SPPL2B: variants seen among roughly 807,000 people sequenced by gnomAD.
The protein encoded by SPPL2B is signal peptide peptidase like 2B, also known as signal peptide peptidase-like 2B.
Under a neutral mutation model 59.7 loss-of-function variants are expected in SPPL2B, and 39 were observed. That is an observed-to-expected ratio of 0.65 (90% CI 0.51 to 0.85). The LOEUF is 0.85. Among genes scored for constraint, SPPL2B ranks in the 40% least tolerant of loss-of-function variants. The pLI, the probability that SPPL2B is intolerant of heterozygous loss-of-function variation, is 0.00. For synonymous variants in SPPL2B, 419 were observed against 370.8 expected, an observed-to-expected ratio of 1.13 and a Z score of -1.49; for missense variants, 865 against 849.0, an observed-to-expected ratio of 1.02 and a Z score of -0.23.
intron 8 of SPPL2B, chr19:2,342,580 G>A (rs1969118338): frequency 6.5e-6 from 1 of 152,722 alleles, no homozygotes; most frequent in Admixed American, 6.5e-5. Context: ...TTGAACCTGG[G>A]AGGTGGAGGT....
rs1968924351 is a variant in SPPL2B, at chr19:2,339,984, G to C, written c.742+18G>C. Reference sequence around the variant, plus strand: ...TCTCCTCGGTGCGCGGCCCCGGGCGGGTGGGCCGCGGCGTGGAGATGCAGC... The same window carrying C: ...TCTCCTCGGTGCGCGGCCCCGGGCGCGTGGGCCGCGGCGTGGAGATGCAGC... On this transcript the variant is annotated intron_variant, in intron 6 of 14. Coordinates refer to ENST00000613503, the MANE Select transcript of SPPL2B (RefSeq NM_152988.3). The C allele has an allele frequency of 6.4e-7, 1 of 1,552,000 alleles. No individual in the cohort carries two copies. The highest frequency in any genetic ancestry group is 2.0e-5 in the Admixed American group (1 of 51,046).
At chr19:2,345,165 AG>A in intron 12 of SPPL2B, 87 bp from the exon 13 acceptor site, 2 of 1,076,520 alleles carry the variant, frequency 1.9e-6, no homozygotes, top group South Asian at 2.6e-5. Flanking sequence ...CGGCGCCCAC[AG>A]GTGCTCAGGT....
Position 2,337,515 on chromosome 19 carries a change from A to G in SPPL2B, c.259A>G (p.Ser87Gly), listed in dbSNP as rs969052919. Residue 87 changes from serine to glycine, a missense_variant, in exon 3 of 15, where the codon AGC (serine) becomes GGC (glycine). By Grantham distance (56) the Ser-to-Gly change is moderately conservative (BLOSUM62 0). Coordinates refer to ENST00000613503, the MANE Select transcript of SPPL2B (RefSeq NM_152988.3). ...AGCCGACCTCCCCGCCCGTGGCTTC[A>G]GCAACCAGATCCCGCTGGTGGCGCG... ...SAADLPARGF[S>G]NQIPLVARGN... is the part of the protein sequence containing the mutation. 1.2e-6 allele frequency: 2 copies of G among 1,613,296 alleles called. No individual in the cohort carries two copies. Among genetic ancestry groups the G allele is most frequent in the Non-Finnish European group, 1.7e-6 (2 of 1,179,688 alleles).
chr19:2,334,557 C>A, intron 1 of SPPL2B, 45 bp from the exon 2 acceptor site: 2 of 1,578,360 alleles, frequency 1.3e-6, no homozygotes, highest in South Asian at 1.2e-5. Context: ...GGTGCAGCCC[C>A]GCACGTCCCG....
chr19:2,340,411 G>A (rs1968958364), intron 7 of SPPL2B: 2 of 632,264 alleles, frequency 3.2e-6, no homozygotes, highest in East Asian at 2.9e-5. Flanking sequence ...TTGTCCCCAG[G>A]AACCCTGCCC....
In SPPL2B at chr19:2,339,227, G is replaced by A. The variant is rs542751679; in HGVS notation, c.599+19G>A. On this transcript the variant is annotated intron_variant, in intron 5 of 14. Coordinates refer to ENST00000613503, the MANE Select transcript of SPPL2B (RefSeq NM_152988.3). ...TGAAGAAGTGAGTTTCGCATCGTGC[G>A]TGTGCTGTGACGGGGTCGGGCGGCT... The A allele has an allele frequency of 1.6e-5, 26 of 1,598,084 alleles. No individual in the cohort carries two copies. Among genetic ancestry groups the A allele is most frequent in the East Asian group, 2.3e-5 (1 of 44,070 alleles).
chr19:2,348,205 C>T (rs1355250187), intron 13 of SPPL2B, among the ~76,000 whole-genome samples: 6 of 122,782 alleles, frequency 4.9e-5, no homozygotes, highest in African/African-American at 1.6e-4. Context: ...TCCGTTCTCT[C>T]TCCACACACA....
rs1427057447 is a variant in SPPL2B at position 2,328,696 on chromosome 19, G to A, written c.-14G>A. On this transcript the variant is annotated 5_prime_UTR_variant, in exon 1 of 15. Transcript: ENST00000613503. ...GGAAACATCTGCCGTTGGTTGCGGC[G>A]GGCACCGGCCGACATGGCGGCAGCG... 1.8e-5 allele frequency: 26 copies of A among 1,434,782 alleles called. No homozygotes were observed. The East Asian group carries it at 6.5e-4, about 36-fold the overall frequency. The allele number at this position is 1,434,782 out of a possible 1,614,324, so 88.9% of individuals were successfully genotyped here. A position where few individuals can be genotyped will look rare whatever the true frequency, so the allele number is the denominator to read the frequency against.
intron 13 of SPPL2B, among the ~76,000 whole-genome samples, chr19:2,347,448 A>G (rs1393344828): frequency 9.5e-5 from 3 of 31,572 alleles, no homozygotes; most frequent in African/African-American, 2.9e-4. Context: ...CCACACACAC[A>G]CACTCTCATT....
chr19:2,330,964 C>G (rs559469416), intron 1 of SPPL2B, among the ~76,000 whole-genome samples: 2 of 152,166 alleles, frequency 1.3e-5, no homozygotes, highest in East Asian at 3.8e-4. Flanking sequence ...CAGTGCTTCG[C>G]GGCAGTGGAA....
At position 2,332,319 on chromosome 19, in the gene SPPL2B, C is replaced by G. The variant is rs896013506; in HGVS notation, c.67-2283C>G. On this transcript the variant is annotated intron_variant, in intron 1 of 14. Transcript: ENST00000613503. The surrounding 1 kb of genome is among the most constrained non-coding windows in gnomAD (Gnocchi z 4.6). ...TTGCATGATTTCAGTGATGAGGGCCCGGCTGTTGGAGAGCCCGTCTGTGCC... is the reference window on the plus strand; with the variant it reads ...TTGCATGATTTCAGTGATGAGGGCCGGGCTGTTGGAGAGCCCGTCTGTGCC... 2.0e-5 allele frequency among the ~76,000 whole-genome samples: 3 copies of G among 152,172 alleles called. No individual in the cohort carries two copies.
Position 2,339,825 on chromosome 19 carries a change from A to G in SPPL2B, c.601A>G (p.Arg201Gly). The change falls in exon 6 of 15, where the codon AGG (arginine) becomes GGG (glycine). Residue 201 changes from arginine to glycine, a missense_variant and splice_region_variant. By Grantham distance (125) the Arg-to-Gly change is moderately radical. Coordinates refer to ENST00000613503, the MANE Select transcript of SPPL2B (RefSeq NM_152988.3). ...YWAGSRDVKK[R>G]YMKHKRDDGP... Reference sequence around the variant, plus strand: ...CACGACCCCATGGTGTCTCCCAAGAAGGTACATGAAGCACAAGCGCGACGA... The same window carrying G: ...CACGACCCCATGGTGTCTCCCAAGAGGGTACATGAAGCACAAGCGCGACGA... 6.2e-7 allele frequency: 1 copy of G among 1,606,676 alleles called. No individual in the cohort carries two copies. Among genetic ancestry groups the G allele is most frequent in the Non-Finnish European group, 8.5e-7 (1 of 1,176,756 alleles).
chr19:2,347,003 A>C (rs1332652960), intron 13 of SPPL2B, among the ~76,000 whole-genome samples: 1 of 152,198 alleles, frequency 6.6e-6, no homozygotes, highest in East Asian at 1.9e-4. Context: ...ATTTTCTCAG[A>C]GCTTTATTTT....
chr19:2,349,688 T>G (rs1233722946), intron 13 of SPPL2B, among the ~76,000 whole-genome samples: 1 of 121,326 alleles, frequency 8.2e-6, no homozygotes, highest in East Asian at 2.4e-4. Flanking sequence ...TTCGCCTGAT[T>G]CCGTTCTCTC....
intron 13 of SPPL2B, among the ~76,000 whole-genome samples, chr19:2,346,495 GTC>G (rs1447160610): frequency 7.2e-5 from 11 of 152,164 alleles, no homozygotes; most frequent in Admixed American, 7.2e-4. Flanking sequence ...GTAAGACCCT[GTC>G]TCTGCAGAAG....
At chr19:2,351,629 T>G in intron 14 of SPPL2B, 35 bp downstream of exon 14, 4 of 1,584,316 alleles carry the variant, frequency 2.5e-6, no homozygotes, top group Non-Finnish European at 3.4e-6. Context: ...TGAGAAATAC[T>G]CGCCTAGTGA....
intron 5 of SPPL2B, chr19:2,339,529 C>T: frequency 1.7e-6 from 1 of 581,342 alleles, no homozygotes; most frequent in South Asian, 2.0e-5. Flanking sequence ...CTGGGGAGGC[C>T]CCATGTCCAG....
chr19:2,348,113 T>G (rs1969579554), intron 13 of SPPL2B, among the ~76,000 whole-genome samples: 1 of 83,210 alleles, frequency 1.2e-5, no homozygotes, highest in African/African-American at 5.1e-5. Context: ...CTTGATTCCG[T>G]TCTCTCTCCA....
At chr19:2,331,199 C>T (rs1215696545) in intron 1 of SPPL2B, among the ~76,000 whole-genome samples, 2 of 151,740 alleles carry the variant, frequency 1.3e-5, no homozygotes, top group Non-Finnish European at 3.0e-5. Flanking sequence ...TGGAACTCCT[C>T]AGTCTTCCCA....
Sources: gnomAD v4.1 joint callset for allele counts (sites outside exome capture counted in the v4.1 genomes callset) on GRCh38, gnomAD v4.1.1 for gene constraint, Gnocchi (gnomAD v3.1) non-coding constraint, MANE v1.5 for transcripts, NCBI Gene and HGNC (gene_info 2026-07-23, HGNC 2026-07-21) for gene names.